The following NUP210 variants were observed in gnomAD, a reference collection of about 807,000 sequenced individuals.
NUP210 encodes nucleoporin 210.
In NUP210, 151 loss-of-function variants were observed where a neutral mutation model predicts 196.0. The observed-to-expected ratio is 0.77, with a 90% CI of 0.67 to 0.88. NUP210 has a LOEUF of 0.88. Ranked by LOEUF, NUP210 falls within the 40% of genes least tolerant of loss-of-function variation. NUP210 has a pLI of 0.00. For missense variants in NUP210, 2,314 were observed against 2,493.7 expected (o/e 0.93, Z 1.53); for synonymous variants, 1,070 against 1,052.7 (o/e 1.02, Z -0.32).
At chr3:13,397,243 G>T in intron 3 of NUP210, 114 bp downstream of exon 3, 1 of 1,301,486 alleles carries the variant, frequency 7.7e-7, no homozygotes, top group East Asian at 2.7e-5. Context: ...CTGCCCTCTA[G>T]GGACCTGCAG....
chr3:13,390,272 T>C (rs1330445393), intron 4 of NUP210, among the ~76,000 whole-genome samples: 1 of 152,158 alleles, frequency 6.6e-6, no homozygotes, highest in East Asian at 1.9e-4. Context: ...GACCACTTTT[T>C]GGACTAAACT....
At chr3:13,344,836 C>A (rs1302731430) in intron 20 of NUP210, 50 of 765,996 alleles carry the variant, frequency 6.5e-5, no homozygotes, top group Non-Finnish European at 7.6e-5. Context: ...ACCTTAAAGA[C>A]CTGGACTCTT....
chr3:13,329,481 C>T (rs1332767053), intron 30 of NUP210, among the ~76,000 whole-genome samples: 1 of 152,178 alleles, frequency 6.6e-6, no homozygotes, highest in African/African-American at 2.4e-5. Context: ...AGCTAGTGCT[C>T]CAAAGGTCTG....
chr3:13,370,237 C>T (rs951490622), intron 13 of NUP210, among the ~76,000 whole-genome samples: 1 of 152,142 alleles, frequency 6.6e-6, no homozygotes, highest in Admixed American at 6.5e-5. Flanking sequence ...AGGGGCGGTA[C>T]AAGGCACTTC....
chr3:13,396,599 A>C (rs1699662556), intron 3 of NUP210, among the ~76,000 whole-genome samples: 1 of 151,196 alleles, frequency 6.6e-6, no homozygotes, highest in African/African-American at 2.4e-5. Context: ...AATACAAAAA[A>C]AAAAAAAAAA....
chr3:13,364,930 T>C (rs1201719265), intron 14 of NUP210, among the ~76,000 whole-genome samples: 1 of 152,156 alleles, frequency 6.6e-6, no homozygotes, highest in Non-Finnish European at 1.5e-5. Flanking sequence ...GGACAAACCA[T>C]GAGGACCGGA....
chr3:13,374,871 T>C (rs1007567188), intron 11 of NUP210, among the ~76,000 whole-genome samples: 9 of 152,180 alleles, frequency 5.9e-5, no homozygotes, highest in Non-Finnish European at 8.8e-5. Context: ...CACCACTCCA[T>C]GGGACAGCAG....
intron 14 of NUP210, among the ~76,000 whole-genome samples, chr3:13,363,096 G>A (rs893766632): frequency 3.3e-5 from 5 of 152,142 alleles, no homozygotes; most frequent in South Asian, 4.1e-4. Context: ...CCTACCTCGC[G>A]GTGCTACTGT....
Position 13,319,106 on chromosome 3 carries a change from G to T in NUP210, c.5529C>A (p.Leu1843=). Residue 1843 remains leucine (L), a synonymous_variant, in exon 39 of 40, where the codon CTC becomes CTA. Transcript: ENST00000254508. ...TPRDLAVPAA[L]TPRASPGHSP... is the part of the protein sequence containing the mutation. Reference sequence around the variant, plus strand: ...TGTGTCCAGGGCTGGCTCGAGGCGTGAGGGCTGCAGGCACAGCAAGATCCC... The same window carrying T: ...TGTGTCCAGGGCTGGCTCGAGGCGTTAGGGCTGCAGGCACAGCAAGATCCC... 6.2e-7 allele frequency: 1 copy of T among 1,608,390 alleles called. No individual in the cohort carries two copies.
chr3:13,390,407 G>A (rs1034685602), intron 4 of NUP210, among the ~76,000 whole-genome samples: 15 of 152,190 alleles, frequency 9.9e-5, no homozygotes, highest in African/African-American at 1.9e-4. Context: ...CGGCACAGTC[G>A]GGAATACAAG....
At chr3:13,389,059 C>T (rs749068026) in intron 4 of NUP210, among the ~76,000 whole-genome samples, 5 of 152,218 alleles carry the variant, frequency 3.3e-5, no homozygotes, top group African/African-American at 9.7e-5. Flanking sequence ...ATCCTTCCCA[C>T]GCAGCCTCCC....
rs1247582335 is a variant in NUP210 at position 13,316,958 on chromosome 3, A to G, written c.*723T>C. 1 of 152,530 alleles carries G rather than the reference A, an allele frequency of 6.6e-6. No homozygotes were observed. The highest frequency in any genetic ancestry group is 2.4e-5 in the African/African-American group (1 of 41,466). The allele number at this position is 152,530 out of a possible 1,614,324, so 9.4% of individuals were successfully genotyped here. On this transcript the variant is annotated 3_prime_UTR_variant, in exon 40 of 40. Transcript: ENST00000254508. Reference sequence around the variant, plus strand: ...ACGTGGGATGTCCCAGCAGGGCCTAAGCCAAGTCCATCAGATGTCTCAACG... The same window carrying G: ...ACGTGGGATGTCCCAGCAGGGCCTAGGCCAAGTCCATCAGATGTCTCAACG...
intron 14 of NUP210, among the ~76,000 whole-genome samples, chr3:13,365,137 C>T (rs1698487038): frequency 1.3e-5 from 2 of 152,348 alleles, no homozygotes; most frequent in South Asian, 4.1e-4. Context: ...CAGCAGCCTC[C>T]TGCATGGCAG....
At position 13,347,825 on chromosome 3, in the gene NUP210, CCCTGGAAAATTCCT is replaced by C. The variant is rs1697809509; in HGVS notation, c.2835+4040_2835+4053del. On this transcript the variant is annotated intron_variant, in intron 20 of 39. Transcript: ENST00000254508. The surrounding 1 kb of genome is among the most constrained non-coding windows in gnomAD (Gnocchi z 4.7). ...AGGACTTGCTGCTGACGTCAATACT[CCCTGGAAAATTCCT>C]CCTGCAGGCTTCAGAAGAGACCAGA... Among the ~76,000 whole-genome samples the C allele has an allele frequency of 6.6e-6, 1 of 152,220 alleles. No homozygotes were observed. Among genetic ancestry groups the C allele is most frequent in the Admixed American group, 6.5e-5 (1 of 15,280 alleles).
intron 20 of NUP210, among the ~76,000 whole-genome samples, chr3:13,349,870 GAA>G (rs762621851): frequency 6.6e-5 from 10 of 152,210 alleles, no homozygotes; most frequent in Admixed American, 2.6e-4. Context: ...GAGACAAACG[GAA>G]AAAGAGAGAG....
intron 6 of NUP210, among the ~76,000 whole-genome samples, chr3:13,381,703 C>CAGAT (rs1699106556): frequency 6.6e-6 from 1 of 152,164 alleles, no homozygotes; most frequent in South Asian, 2.1e-4. Context: ...GAAAGGCGCT[C>CAGAT]CTGAGGCCCC....
At chr3:13,381,067 A>C (rs1439784541) in intron 6 of NUP210, among the ~76,000 whole-genome samples, 2 of 152,214 alleles carry the variant, frequency 1.3e-5, no homozygotes, top group Non-Finnish European at 2.9e-5. Context: ...TGAGAATCCC[A>C]AAGGGAATGC....
chr3:13,375,692 A>C, intron 10 of NUP210, 51 bp from the exon 11 acceptor site: 2 of 1,574,824 alleles, frequency 1.3e-6, no homozygotes, highest in Non-Finnish European at 1.7e-6. Flanking sequence ...TGTCATCATC[A>C]GTCTTTCCCA....
intron 2 of NUP210, among the ~76,000 whole-genome samples, chr3:13,397,965 T>A (rs1481940979): frequency 6.6e-6 from 1 of 152,224 alleles, no homozygotes; most frequent in African/African-American, 2.4e-5. Context: ...GAGATTTTTT[T>A]ACTTGCTCCA....
Sources: gnomAD v4.1 joint callset for allele counts (sites outside exome capture counted in the v4.1 genomes callset) on GRCh38, gnomAD v4.1.1 for gene constraint, Gnocchi (gnomAD v3.1) non-coding constraint, MANE v1.5 for transcripts, NCBI Gene and HGNC (gene_info 2026-07-23, HGNC 2026-07-21) for gene names.